The following CFAP99 variants were observed in gnomAD, a reference collection of about 807,000 sequenced individuals.
CFAP99 encodes cilia- and flagella-associated protein 99.
A neutral mutation model predicts 82.7 loss-of-function variants in CFAP99; 84 were observed. The ratio of observed to expected loss-of-function variants is 1.02; its 90% confidence interval spans 0.85 to 1.22. CFAP99 has a LOEUF of 1.22. CFAP99 is among the 50% of genes most tolerant of loss of function. The pLI, the probability that CFAP99 is intolerant of heterozygous loss-of-function variation, is 0.00. For synonymous variants in CFAP99, 456 were observed against 429.5 expected (o/e 1.06, Z -0.76); for missense variants, 1,059 against 983.5 (o/e 1.08, Z -1.03).
intron 1 of CFAP99, among the ~76,000 whole-genome samples, chr4:2,421,330 G>C (rs1247244627): frequency 6.8e-6 from 1 of 147,948 alleles, no homozygotes; most frequent in Non-Finnish European, 1.5e-5. Flanking sequence ...TAAGGAAAGA[G>C]AAGCTTTAGT....
At chr4:2,451,000 G>A (rs747450497) in exon 9 of CFAP99, 19 of 1,536,004 alleles carry the variant, frequency 1.2e-5, no homozygotes, top group East Asian at 4.9e-5. Context: ...GAAAGACTCC[G>A]AAGCTGACCT....
intron 2 of CFAP99, among the ~76,000 whole-genome samples, chr4:2,430,153 G>A (rs976792222): frequency 1.5e-5 from 2 of 136,682 alleles, no homozygotes; most frequent in African/African-American, 2.8e-5. Context: ...TCCGGACAGC[G>A]GACTGCGGTG....
At chr4:2,425,257 G>A (rs927680582) in intron 1 of CFAP99, among the ~76,000 whole-genome samples, 11 of 152,128 alleles carry the variant, frequency 7.2e-5, no homozygotes, top group African/African-American at 2.7e-4. Context: ...TGGTTTCTAT[G>A]TTTCATGTCA....
At chr4:2,456,406 G>A (rs1040094311) in intron 11 of CFAP99, among the ~76,000 whole-genome samples, 2 of 152,082 alleles carry the variant, frequency 1.3e-5, no homozygotes, top group African/African-American at 4.8e-5. Flanking sequence ...GCTGGATGCG[G>A]TGGCTCACAC....
chr4:2,460,136 CGG>C lies in CFAP99; in HGVS notation c.1557_1558del (p.Asp520SerfsTer?), dbSNP rs1560391634. The C allele has an allele frequency of 1.3e-6, 2 of 1,536,096 alleles. No individual in the cohort carries two copies. Among genetic ancestry groups the C allele is most frequent in the Non-Finnish European group, 1.7e-6 (2 of 1,146,874 alleles). On this transcript the variant is annotated frameshift_variant, in exon 14 of 15. Coordinates refer to ENST00000635017, the Ensembl canonical transcript of CFAP99. LOFTEE classifies it high-confidence loss of function. ...TCAGCGGCGCAAGGAGGAAGAAAAG[CGG>C]GATCAAATCATTCAGGGCAAGCACA...
chr4:2,451,726 G>T (rs1734306928), intron 10 of CFAP99, among the ~76,000 whole-genome samples: 1 of 62,888 alleles, frequency 1.6e-5, no homozygotes, highest in Non-Finnish European at 3.7e-5. Flanking sequence ...TTCCTTGTCT[G>T]CAAGTCAGGC....
At chr4:2,454,572 G>GT (rs1314074505) in intron 11 of CFAP99, among the ~76,000 whole-genome samples, 4 of 80,084 alleles carry the variant, frequency 5.0e-5, no homozygotes, top group South Asian at 4.2e-4. Context: ...TTTTTTTGTT[G>GT]TTTTTTTTCT....
intron 2 of CFAP99, among the ~76,000 whole-genome samples, chr4:2,433,723 C>T (rs1049430500): frequency 6.6e-5 from 10 of 152,220 alleles, no homozygotes; most frequent in Non-Finnish European, 1.2e-4. Flanking sequence ...AGCCATGCCG[C>T]GACTGGGACA....
At chr4:2,445,091 G>A (rs1292483765) in intron 5 of CFAP99, 40 bp from the exon 6 acceptor site, 2 of 1,293,320 alleles carry the variant, frequency 1.5e-6, no homozygotes, top group Non-Finnish European at 2.0e-6. Flanking sequence ...GAACAGCTTA[G>A]GGAGTGACCA....
chr4:2,458,870 C>G lies in CFAP99; in HGVS notation c.1303+6C>G. Reference sequence around the variant, plus strand: ...GAAGGGCCGACAGCAGACAGGTAGTCAGGAGCCAGATGTCACTGGCCCTAC... The same window carrying G: ...GAAGGGCCGACAGCAGACAGGTAGTGAGGAGCCAGATGTCACTGGCCCTAC... On this transcript the variant is annotated splice_donor_region_variant and intron_variant, in intron 12 of 14. Coordinates refer to ENST00000635017, the Ensembl canonical transcript of CFAP99. The G allele has an allele frequency of 6.5e-7, 1 of 1,533,144 alleles. No individual in the cohort carries two copies. The highest frequency in any genetic ancestry group is 8.7e-7 in the Non-Finnish European group (1 of 1,145,526). The allele number at this position is 1,533,144 out of a possible 1,614,324, so 95.0% of individuals were successfully genotyped here.
chr4:2,456,589 G>A (rs552235876), intron 11 of CFAP99, among the ~76,000 whole-genome samples: 3 of 152,194 alleles, frequency 2.0e-5, no homozygotes, highest in East Asian at 1.9e-4. Context: ...GTGCGATCTC[G>A]GCTCACCACA....
At chr4:2,444,410 C>G (rs1734116954) in intron 5 of CFAP99, among the ~76,000 whole-genome samples, 1 of 152,222 alleles carries the variant, frequency 6.6e-6, no homozygotes, top group South Asian at 2.1e-4. Context: ...TGGCGAGACC[C>G]CAAGACTCCA....
In CFAP99 at chr4:2,439,215, C is replaced by T. The variant is rs187549091; in HGVS notation, c.351+1051C>T. ...CTACATGGTACTCATCCCAGGGTTG[C>T]GGAAACTGGGGCACAGAGAGGATAA... On this transcript the variant is annotated intron_variant, in intron 4 of 14. Transcript: ENST00000635017. Among the ~76,000 whole-genome samples the T allele has an allele frequency of 2.7e-3, 408 of 152,332 alleles. 1 individual carries two copies. The highest frequency in any genetic ancestry group is 4.1e-3 in the Non-Finnish European group (282 of 68,030).
chr4:2,440,347 C>T (rs1016875123), intron 4 of CFAP99, among the ~76,000 whole-genome samples: 10 of 147,184 alleles, frequency 6.8e-5, no homozygotes, highest in Admixed American at 4.7e-4. Context: ...GGGGTTTCAC[C>T]GTTTTAGCCG....
intron 1 of CFAP99, among the ~76,000 whole-genome samples, chr4:2,425,663 C>A (rs73074370): frequency 0.043 from 6,592 of 152,264 alleles, 493 homozygotes; most frequent in African/African-American, 0.15. Context: ...CCAGCTGGAG[C>A]CCAGGCCTGC....
Position 2,462,430 on chromosome 4 carries a change from C to A in CFAP99, c.1662-13C>A. ...CGCCGGCCTGCTCCTGAGCCCGCCG[C>A]GTCGCCCGCCAGGTGGGAGGAAAAG... is the stretch of plus-strand genomic sequence containing the variant. On this transcript the variant is annotated splice_polypyrimidine_tract_variant and intron_variant, in intron 14 of 14. Coordinates refer to ENST00000635017, the Ensembl canonical transcript of CFAP99. This position sits in a 1 kb window ranked among gnomAD's most constrained non-coding sequence, Gnocchi z 4.1. 7.0e-7 allele frequency: 1 copy of A among 1,421,526 alleles called. No homozygotes were observed. 88.1% of individuals were successfully genotyped at this position (1,421,526 alleles called of 1,614,324 possible). A position where few individuals can be genotyped will look rare whatever the true frequency, so the allele number is the denominator to read the frequency against.
intron 6 of CFAP99, among the ~76,000 whole-genome samples, chr4:2,447,158 A>G (rs1560385529): frequency 6.7e-6 from 1 of 150,368 alleles, no homozygotes; most frequent in African/African-American, 2.4e-5. Context: ...GGGTAGATGG[A>G]TGAGCAGATG....
chr4:2,455,222 A>C (rs1365151628), intron 11 of CFAP99, among the ~76,000 whole-genome samples: 1 of 152,284 alleles, frequency 6.6e-6, no homozygotes, highest in Non-Finnish European at 1.5e-5. Context: ...TATGTTAGGA[A>C]AAATAATCCT....
chr4:2,438,541 C>T (rs908211627), intron 4 of CFAP99, among the ~76,000 whole-genome samples: 1 of 152,244 alleles, frequency 6.6e-6, no homozygotes, highest in Non-Finnish European at 1.5e-5. Flanking sequence ...GGGTTACAGG[C>T]GTGAGCCACC....
Sources: allele counts gnomAD v4.1 joint callset (sites outside exome capture counted in the v4.1 genomes callset), GRCh38; gene constraint gnomAD v4.1.1; non-coding constraint Gnocchi (gnomAD v3.1); transcripts MANE v1.5; gene names NCBI Gene and HGNC (gene_info 2026-07-23, HGNC 2026-07-21).